ZC3H12B: variants seen among roughly 807,000 people sequenced by gnomAD.
ZC3H12B encodes probable ribonuclease ZC3H12B.
A neutral mutation model predicts 43.9 loss-of-function variants in ZC3H12B; 7 were observed. The ratio of observed to expected loss-of-function variants is 0.16; its 90% CI spans 0.09 to 0.30. The LOEUF is 0.30. Among genes scored for constraint, ZC3H12B ranks in the 10% least tolerant of loss-of-function variants. ZC3H12B has a pLI of 1.00. For synonymous variants in ZC3H12B, 222 were observed against 241.7 expected, an observed-to-expected ratio of 0.92 and a Z score of 0.76; for missense variants, 475 against 670.2, an observed-to-expected ratio of 0.71 and a Z score of 3.22.
the ZC3H12B span, among the ~76,000 whole-genome samples, chrX:65,184,580 G>T: frequency 2.8e-4 from 31 of 111,803 alleles, no homozygotes; most frequent in African/African-American, 9.7e-4. Context: ...AAACAGTAAC[G>T]TGTAAATTGA....
the ZC3H12B span, among the ~76,000 whole-genome samples, chrX:65,154,398 G>A: frequency 4.5e-5 from 5 of 111,597 alleles, no homozygotes; most frequent in Admixed American, 9.5e-5. Flanking sequence ...ATTGAGAAGT[G>A]TGTTACAGTT....
At chrX:65,114,538 A>G in the ZC3H12B span, among the ~76,000 whole-genome samples, 3 of 110,762 alleles carry the variant, frequency 2.7e-5, no homozygotes, top group African/African-American at 9.8e-5. Context: ...AGCTCATCAT[A>G]GTATTACCAT....
chrX:65,102,632 C>T, the ZC3H12B span, among the ~76,000 whole-genome samples: 1 of 111,891 alleles, frequency 8.9e-6, no homozygotes, highest in South Asian at 3.7e-4. Context: ...AACTCCCATT[C>T]ACAATTGCTA....
At chrX:65,391,092 T>C (rs1485809377) in intron 2 of ZC3H12B, among the ~76,000 whole-genome samples, 1 of 111,820 alleles carries the variant, frequency 8.9e-6, no homozygotes, top group Admixed American at 9.5e-5. Flanking sequence ...AAATGATATA[T>C]GGATTATACA....
the ZC3H12B span, among the ~76,000 whole-genome samples, chrX:65,253,302 C>T: frequency 8.9e-6 from 1 of 112,381 alleles, no homozygotes; most frequent in Non-Finnish European, 1.9e-5. Flanking sequence ...TCCCCAACAA[C>T]TCCTGGGGAA....
At chrX:65,151,284 G>T in the ZC3H12B span, among the ~76,000 whole-genome samples, 4 of 111,736 alleles carry the variant, frequency 3.6e-5, no homozygotes, top group Admixed American at 1.9e-4. Flanking sequence ...TTTAAAAAAT[G>T]ATAAAAGTAC....
exon 5 of ZC3H12B, chrX:65,502,831 G>T (rs1250952403): frequency 8.3e-7 from 1 of 1,210,542 alleles, no homozygotes; most frequent in South Asian, 1.8e-5. Context: ...GCCTCTATGA[G>T]AGCAACCCCG....
chrX:65,141,953 A>T, the ZC3H12B span, among the ~76,000 whole-genome samples: 1 of 112,205 alleles, frequency 8.9e-6, no homozygotes, highest in Non-Finnish European at 1.9e-5. Context: ...TGCAATTGTG[A>T]ATTGTGCTGC....
chrX:65,164,292 G>C, the ZC3H12B span, among the ~76,000 whole-genome samples: 5 of 111,364 alleles, frequency 4.5e-5, no homozygotes. Flanking sequence ...CTGGGTGTGG[G>C]TTATAGAACC....
chrX:65,412,227 A>G (rs931046837), intron 3 of ZC3H12B, among the ~76,000 whole-genome samples: 2 of 111,844 alleles, frequency 1.8e-5, no homozygotes, highest in African/African-American at 3.3e-5. Context: ...TTTCATGTAT[A>G]TGGAATTATA....
the ZC3H12B span, among the ~76,000 whole-genome samples, chrX:65,194,717 A>G: frequency 3.6e-5 from 4 of 112,041 alleles, no homozygotes; most frequent in African/African-American, 1.3e-4. Flanking sequence ...ATTAACTACA[A>G]TGTTCGTTGA....
chrX:65,153,413 G>A, the ZC3H12B span, among the ~76,000 whole-genome samples: 3 of 111,807 alleles, frequency 2.7e-5, no homozygotes, highest in Non-Finnish European at 5.6e-5. Flanking sequence ...TCAAAAAGTG[G>A]GCGAAAGACA....
the ZC3H12B span, among the ~76,000 whole-genome samples, chrX:65,206,483 C>A: frequency 9.0e-6 from 1 of 111,689 alleles, no homozygotes; most frequent in Non-Finnish European, 1.9e-5. Context: ...AACGGATCCT[C>A]ATCTCTCACC....
the ZC3H12B span, among the ~76,000 whole-genome samples, chrX:65,163,821 G>A: frequency 1.8e-5 from 2 of 111,740 alleles, no homozygotes; most frequent in African/African-American, 3.3e-5. Flanking sequence ...AGATGAACCC[G>A]GTACCTCAGA....
At chrX:65,332,420 T>C in the ZC3H12B span, among the ~76,000 whole-genome samples, 1 of 111,915 alleles carries the variant, frequency 8.9e-6, no homozygotes, top group Non-Finnish European at 1.9e-5. Context: ...CTTGTGTTCC[T>C]ACACAAAGAG....
At chrX:65,118,042 T>C in the ZC3H12B span, among the ~76,000 whole-genome samples, 2 of 111,817 alleles carry the variant, frequency 1.8e-5, no homozygotes, top group East Asian at 5.6e-4. Flanking sequence ...CTTGGCAATG[T>C]GGGCTCTTTT....
At chrX:65,116,900 T>C in the ZC3H12B span, among the ~76,000 whole-genome samples, 1 of 112,298 alleles carries the variant, frequency 8.9e-6, no homozygotes, top group Non-Finnish European at 1.9e-5. Flanking sequence ...CATCCTTTTT[T>C]ATGACTGCAT....
the ZC3H12B span, among the ~76,000 whole-genome samples, chrX:65,325,477 G>T: frequency 3.9e-4 from 43 of 110,501 alleles, no homozygotes; most frequent in African/African-American, 1.4e-3. Context: ...AAAATAAATC[G>T]AGATAAATTC....
chrX:65,306,087 T>C, the ZC3H12B span, among the ~76,000 whole-genome samples: 4 of 112,489 alleles, frequency 3.6e-5, no homozygotes, highest in Admixed American at 1.9e-4. Context: ...AAATCAAATG[T>C]CTACAGATGT....
Sources: allele counts gnomAD v4.1 joint callset (sites outside exome capture counted in the v4.1 genomes callset), GRCh38; gene constraint gnomAD v4.1.1; transcripts MANE v1.5; gene names NCBI Gene and HGNC (gene_info 2026-07-23, HGNC 2026-07-21).